Variants in DIS3L2 observed in about 807,000 individuals in gnomAD.
DIS3L2 encodes DIS3 like 3'-5' exoribonuclease 2, also known as DIS3-like exonuclease 2.
Under a neutral mutation model 97.5 loss-of-function variants are expected in DIS3L2, and 34 were observed. The ratio of observed to expected loss-of-function variants is 0.35; its 90% CI spans 0.27 to 0.46. DIS3L2 has a LOEUF of 0.46. Ranked by LOEUF, DIS3L2 falls within the 20% of genes least tolerant of loss-of-function variation. The pLI, the probability that DIS3L2 is intolerant of heterozygous loss-of-function variation, is 1.00. For synonymous variants in DIS3L2, 435 were observed against 445.2 expected, an observed-to-expected ratio of 0.98 and a Z score of 0.29; for missense variants, 1,038 against 1,146.0, an observed-to-expected ratio of 0.91 and a Z score of 1.36.
intron 11 of DIS3L2, among the ~76,000 whole-genome samples, chr2:232,239,612 A>G (rs557732624): frequency 8.1e-4 from 124 of 152,152 alleles, no homozygotes; most frequent in Non-Finnish European, 1.5e-3. Flanking sequence ...TCCCAAGCCC[A>G]TGCCCTAGGA....
intron 11 of DIS3L2, among the ~76,000 whole-genome samples, chr2:232,247,663 T>C (rs1693300307): frequency 8.9e-6 from 1 of 111,812 alleles, no homozygotes; most frequent in Non-Finnish European, 1.7e-5. Flanking sequence ...ATTCAGTCCC[T>C]AGGATAGCCC....
rs189795612 is a variant in DIS3L2 at position 232,326,186 on chromosome 2, A to G, written c.1740-3627A>G. On this transcript the variant is annotated intron_variant, in intron 14 of 20. Coordinates refer to ENST00000325385, the MANE Select transcript of DIS3L2 (RefSeq NM_152383.5). ...CTCCCCATCCCAGGACCTTGGGGAG[A>G]AAGAGGCTGGGCGCCACCTGCTGGC... Among the ~76,000 whole-genome samples the G allele has an allele frequency of 8.6e-3, 1,316 of 152,162 alleles. 23 individuals carry two copies. Among genetic ancestry groups the G allele is most frequent in the Admixed American group, 0.049 (750 of 15,294 alleles).
rs867633752 is a variant in DIS3L2, at chr2:232,007,310, G to A, written c.-93-7525G>A. 1.2e-4 allele frequency among the ~76,000 whole-genome samples: 18 copies of A among 152,318 alleles called. No individual in the cohort carries two copies. The South Asian group carries it at 2.3e-3, about 19-fold the overall frequency. On this transcript the variant is annotated intron_variant, in intron 1 of 20. Transcript: ENST00000325385. ...TGGAGAAGTTTTGTCTGGGAGAAGA[G>A]TGAGTCCATATAGGAGAGAGTTGGG...
chr2:232,086,613 G>GA (rs1696634216), intron 5 of DIS3L2, among the ~76,000 whole-genome samples: 1 of 103,760 alleles, frequency 9.6e-6, no homozygotes, highest in Admixed American at 1.1e-4. Context: ...GTGTGTGTGT[G>GA]TATATATATA....
intron 1 of DIS3L2, among the ~76,000 whole-genome samples, chr2:231,994,170 C>T (rs1283183061): frequency 6.6e-6 from 1 of 150,424 alleles, no homozygotes; most frequent in Admixed American, 6.6e-5. Context: ...TGCTTTTGCA[C>T]TTGTGTCTGA....
chr2:232,116,881 A>G (rs1697733856), intron 6 of DIS3L2, among the ~76,000 whole-genome samples: 1 of 152,210 alleles, frequency 6.6e-6, no homozygotes, highest in Non-Finnish European at 1.5e-5. Flanking sequence ...TCAAAACATT[A>G]AAGAATGAAT....
rs560643642 is a variant in DIS3L2 at position 232,040,592 on chromosome 2, T to G, written c.366+10512T>G. On this transcript the variant is annotated intron_variant, in intron 5 of 20. Coordinates refer to ENST00000325385, the MANE Select transcript of DIS3L2 (RefSeq NM_152383.5). ...TAATGAGTTTATTCTATTATTTTCC[T>G]TCTCTTAATACCCCAATACGGTAAA... Among the ~76,000 whole-genome samples the G allele has an allele frequency of 5.3e-5, 8 of 152,340 alleles. No homozygotes were observed. In the South Asian group the frequency reaches 1.7e-3, roughly 32 times the overall value.
intron 9 of DIS3L2, among the ~76,000 whole-genome samples, chr2:232,199,536 TA>T (rs1691838941): frequency 6.6e-6 from 1 of 152,214 alleles, no homozygotes; most frequent in African/African-American, 2.4e-5. Context: ...TGGAGTAGGG[TA>T]ACCTTCCAAT....
chr2:232,322,758 G>A (rs1336610127), intron 14 of DIS3L2, among the ~76,000 whole-genome samples: 1 of 152,250 alleles, frequency 6.6e-6, no homozygotes, highest in African/African-American at 2.4e-5. Context: ...GTGTGTATGT[G>A]CAGGAGAGAG....
At chr2:231,964,780 T>C (rs1288457510) in intron 1 of DIS3L2, among the ~76,000 whole-genome samples, 1 of 152,220 alleles carries the variant, frequency 6.6e-6, no homozygotes, top group African/African-American at 2.4e-5. Context: ...ATGAAATTAT[T>C]AGGAAAGCAA....
chr2:232,042,954 A>G (rs1049999248), intron 5 of DIS3L2, among the ~76,000 whole-genome samples: 3 of 152,224 alleles, frequency 2.0e-5, no homozygotes, highest in Non-Finnish European at 4.4e-5. Flanking sequence ...AGGACCAAGA[A>G]CATGGTTCAG....
downstream of DIS3L2, among the ~76,000 whole-genome samples, chr2:232,339,952 G>C (rs1410658672): frequency 1.3e-5 from 2 of 152,152 alleles, no homozygotes; most frequent in Non-Finnish European, 1.5e-5. Flanking sequence ...CTGGAGCCTG[G>C]CTAGGTATGG....
At chr2:232,184,323 A>G (rs938249356) in intron 9 of DIS3L2, among the ~76,000 whole-genome samples, 6 of 152,182 alleles carry the variant, frequency 3.9e-5, no homozygotes, top group African/African-American at 1.4e-4. Context: ...CTTTCCTGGG[A>G]AAATAACAGA....
At chr2:232,069,823 A>G (rs1317113978) in intron 5 of DIS3L2, among the ~76,000 whole-genome samples, 1 of 152,184 alleles carries the variant, frequency 6.6e-6, no homozygotes, top group Non-Finnish European at 1.5e-5. Flanking sequence ...ACACATACAC[A>G]CATACACACA....
At chr2:232,058,987 G>A (rs1175101864) in intron 5 of DIS3L2, among the ~76,000 whole-genome samples, 2 of 151,970 alleles carry the variant, frequency 1.3e-5, no homozygotes, top group Non-Finnish European at 2.9e-5. Context: ...TTTACATGCT[G>A]ATCCTGAGTT....
At chr2:232,116,807 TAAAACAAACAA>T (rs1559645558) in intron 6 of DIS3L2, among the ~76,000 whole-genome samples, 1 of 139,442 alleles carries the variant, frequency 7.2e-6, no homozygotes, top group African/African-American at 2.8e-5. Flanking sequence ...AGATAATGCT[TAAAACAAACAA>T]AAAACAAACA....
intron 5 of DIS3L2, among the ~76,000 whole-genome samples, chr2:232,034,002 T>C (rs1315783961): frequency 6.6e-6 from 1 of 151,698 alleles, no homozygotes; most frequent in Non-Finnish European, 1.5e-5. Context: ...TGGGGAGGAG[T>C]CTCTCTTTTT....
intron 6 of DIS3L2, 151 bp from the exon 7 acceptor site, chr2:232,130,468 C>G: frequency 1.3e-6 from 1 of 777,994 alleles, no homozygotes; most frequent in Non-Finnish European, 2.0e-6. Context: ...TGGTATGTGA[C>G]AGGTCCACTG....
At chr2:232,229,993 C>T (rs1036204819) in intron 10 of DIS3L2, among the ~76,000 whole-genome samples, 4 of 152,152 alleles carry the variant, frequency 2.6e-5, no homozygotes, top group African/African-American at 9.7e-5. Flanking sequence ...TTCAGATTTA[C>T]TTACCCCAGA....
Sources: gnomAD v4.1 joint callset for allele counts (sites outside exome capture counted in the v4.1 genomes callset) on GRCh38, gnomAD v4.1.1 for gene constraint, MANE v1.5 for transcripts, NCBI Gene and HGNC (gene_info 2026-07-23, HGNC 2026-07-21) for gene names.